Variants in ANKS1B observed in about 807,000 individuals in gnomAD.
ANKS1B encodes the protein ankyrin repeat and sterile alpha motif domain containing 1B.
A neutral mutation model predicts 148.3 loss-of-function variants in ANKS1B; 36 were observed. The observed-to-expected ratio is 0.24, with a 90% CI of 0.19 to 0.32. The LOEUF (loss-of-function observed/expected upper bound fraction) is 0.32. Among genes scored for constraint, ANKS1B ranks in the 10% least tolerant of loss-of-function variants. The probability of loss-of-function intolerance (pLI) is 1.00; values close to 1 mark genes in which losing one functional copy is unlikely to be tolerated. For synonymous variants in ANKS1B, 542 were observed against 560.8 expected (o/e 0.97, Z 0.47); for missense variants, 1,157 against 1,542.6 (o/e 0.75, Z 4.19).
At position 99,519,216 on chromosome 12, in the gene ANKS1B, T is replaced by C. The variant is rs1441022584; in HGVS notation, c.1273-14575A>G. 2.0e-5 allele frequency among the ~76,000 whole-genome samples: 3 copies of C among 152,138 alleles called. No homozygotes were observed. In the East Asian group the frequency reaches 5.8e-4, roughly 29 times the overall value. ...TCTTCAGTCACTGAGTGAGATGTTTTGTAAGTATCTATTAAGTGAATTTGA... is the reference window on the plus strand; with the variant it reads ...TCTTCAGTCACTGAGTGAGATGTTTCGTAAGTATCTATTAAGTGAATTTGA... On this transcript the variant is annotated intron_variant, in intron 9 of 26. Transcript: ENST00000683438.
intron 1 of ANKS1B, among the ~76,000 whole-genome samples, chr12:99,925,821 C>T (rs187474862): frequency 6.6e-6 from 1 of 152,298 alleles, no homozygotes; most frequent in Admixed American, 6.5e-5. Flanking sequence ...CCAATATGAA[C>T]ATTTCCAATG....
In ANKS1B at chr12:99,753,634, G is replaced by C. The variant is rs549777252; in HGVS notation, c.1128+19288C>G. On this transcript the variant is annotated intron_variant, in intron 8 of 26. Transcript: ENST00000683438. ...CCCTCAGCATTTGCTTGTCTGAAAA[G>C]GATCTTATTTCTCTTTTGCCTATGA... Among the ~76,000 whole-genome samples, 12 of 152,180 alleles carry C rather than the reference G, an allele frequency of 7.9e-5. 1 individual carries two copies. The South Asian group carries it at 2.5e-3, about 32-fold the overall frequency.
At chr12:99,718,208 T>C (rs560055226) in intron 8 of ANKS1B, among the ~76,000 whole-genome samples, 1 of 152,242 alleles carries the variant, frequency 6.6e-6, no homozygotes, top group East Asian at 1.9e-4. Context: ...CCGACAATAC[T>C]CTTTTAAGCA....
intron 4 of ANKS1B, among the ~76,000 whole-genome samples, chr12:99,804,183 G>A (rs996407856): frequency 6.6e-6 from 1 of 152,130 alleles, no homozygotes; most frequent in Admixed American, 6.5e-5. Flanking sequence ...GTGCAATCAA[G>A]TTTAAAAATA....
At chr12:99,016,179 C>A (rs1383837946) in intron 17 of ANKS1B, among the ~76,000 whole-genome samples, 2 of 137,688 alleles carry the variant, frequency 1.5e-5, no homozygotes, top group African/African-American at 3.1e-5. Context: ...ACATGAATTT[C>A]TTTGTTAGAC....
chr12:99,665,614 G>A (rs576092275), intron 8 of ANKS1B, among the ~76,000 whole-genome samples: 1 of 152,026 alleles, frequency 6.6e-6, no homozygotes, highest in African/African-American at 2.4e-5. Flanking sequence ...AGCCTCCCAA[G>A]TAGCTGGGAC....
At chr12:99,299,061 CTT>C (rs67720875) in intron 12 of ANKS1B, among the ~76,000 whole-genome samples, 7 of 142,512 alleles carry the variant, frequency 4.9e-5, no homozygotes, top group Non-Finnish European at 6.1e-5. Context: ...ATGTTTGTTG[CTT>C]TTTTTTTTTT....
intron 12 of ANKS1B, among the ~76,000 whole-genome samples, chr12:99,248,992 A>G (rs376488533): frequency 6.6e-6 from 1 of 152,168 alleles, no homozygotes; most frequent in Admixed American, 6.5e-5. Flanking sequence ...GAGATAAGCT[A>G]ATACTAAGAA....
intron 12 of ANKS1B, among the ~76,000 whole-genome samples, chr12:99,265,562 C>T (rs574743658): frequency 6.6e-6 from 1 of 152,258 alleles, no homozygotes; most frequent in Non-Finnish European, 1.5e-5. Flanking sequence ...AGGATCAGAA[C>T]TAACAGCAGT....
intron 12 of ANKS1B, among the ~76,000 whole-genome samples, chr12:99,372,517 CT>C (rs1478311592): frequency 6.6e-6 from 1 of 152,072 alleles, no homozygotes; most frequent in Non-Finnish European, 1.5e-5. Context: ...ATTATCTCTG[CT>C]TTTTAAAATT....
chr12:98,744,716 A>C lies in ANKS1B; in HGVS notation c.*1023T>G. ...TGTATTTATTTTTTCTAGAAAAAGAAATTTTTGCAATAGAATTTTATTAAC... is the reference window on the plus strand; with the variant it reads ...TGTATTTATTTTTTCTAGAAAAAGACATTTTTGCAATAGAATTTTATTAAC... On this transcript the variant is annotated 3_prime_UTR_variant, in exon 27 of 27. Transcript: ENST00000683438. The C allele has an allele frequency of 2.0e-6, 2 of 980,916 alleles. No individual in the cohort carries two copies. Among genetic ancestry groups the C allele is most frequent in the Non-Finnish European group, 2.4e-6 (2 of 826,128 alleles). 60.8% of individuals were successfully genotyped at this position (980,916 alleles called of 1,614,324 possible).
chr12:98,974,648 C>A lies in ANKS1B; in HGVS notation c.2778+78509G>T, dbSNP rs141437120. ...GCAAACAACCCATGGAGTAAATTCA[C>A]AAGACTTGACACTTAAGAATCCAAG... On this transcript the variant is annotated intron_variant, in intron 17 of 26. Transcript: ENST00000683438. Among the ~76,000 whole-genome samples the A allele has an allele frequency of 7.2e-5, 11 of 151,848 alleles. No homozygotes were observed. The East Asian group carries it at 2.1e-3, about 29-fold the overall frequency.
chr12:99,051,853 AG>A (rs970960604), intron 17 of ANKS1B, among the ~76,000 whole-genome samples: 3 of 152,266 alleles, frequency 2.0e-5, no homozygotes, highest in African/African-American at 7.2e-5. Context: ...TTTAAAAGCA[AG>A]GAATTAATTA....
At chr12:98,889,249 T>C (rs1046363530) in intron 17 of ANKS1B, among the ~76,000 whole-genome samples, 8 of 152,232 alleles carry the variant, frequency 5.3e-5, no homozygotes, top group African/African-American at 1.9e-4. Flanking sequence ...AAAAGAAACA[T>C]TTCAACTGAT....
intron 17 of ANKS1B, among the ~76,000 whole-genome samples, chr12:98,834,978 T>C (rs546458748): frequency 6.0e-4 from 91 of 152,298 alleles, no homozygotes; most frequent in African/African-American, 2.1e-3. Flanking sequence ...TATAAATTCC[T>C]CCCATAAAAT....
At chr12:99,716,741 A>T (rs1320580813) in intron 8 of ANKS1B, among the ~76,000 whole-genome samples, 2 of 151,346 alleles carry the variant, frequency 1.3e-5, no homozygotes, top group African/African-American at 2.4e-5. Context: ...ATCGTCCCAA[A>T]TCTTCCTTCT....
At chr12:99,980,724 T>C (rs1209811782) in intron 1 of ANKS1B, among the ~76,000 whole-genome samples, 2 of 152,062 alleles carry the variant, frequency 1.3e-5, no homozygotes, top group African/African-American at 4.8e-5. Context: ...ATGATAGCTC[T>C]TCCATGAAAA....
intron 10 of ANKS1B, among the ~76,000 whole-genome samples, chr12:99,484,052 G>GTTT (rs1297189650): frequency 7.9e-5 from 12 of 151,650 alleles, no homozygotes; most frequent in African/African-American, 2.4e-4. Flanking sequence ...GGTTTAGTTT[G>GTTT]TTCTTGTTTC....
intron 9 of ANKS1B, among the ~76,000 whole-genome samples, chr12:99,580,905 T>C (rs1473264175): frequency 1.3e-5 from 2 of 152,190 alleles, no homozygotes; most frequent in African/African-American, 4.8e-5. Context: ...AATCAAGTCC[T>C]AAATTAAGGT....
Sources: gnomAD v4.1 joint callset for allele counts (sites outside exome capture counted in the v4.1 genomes callset) on GRCh38, gnomAD v4.1.1 for gene constraint, MANE v1.5 for transcripts, NCBI Gene and HGNC (gene_info 2026-07-23, HGNC 2026-07-21) for gene names.